The following RBFOX1 variants were observed in gnomAD, a reference collection of about 807,000 sequenced individuals.
The protein encoded by RBFOX1 is RNA binding fox-1 homolog 1, also known as RNA binding protein fox-1 homolog 1.
RBFOX1 carries 8 observed loss-of-function variants against 57.7 expected under a neutral mutation model. The ratio of observed to expected loss-of-function variants is 0.14; its 90% CI spans 0.08 to 0.25. The LOEUF is 0.25. Ranked by LOEUF, RBFOX1 falls within the 10% of genes least tolerant of loss-of-function variation. The pLI is 1.00. For synonymous variants in RBFOX1, 326 were observed against 222.4 expected (o/e 1.47, Z -4.15); for missense variants, 611 against 548.5 (o/e 1.11, Z -1.14).
chr16:7,404,387 C>T (rs891234699), intron 4 of RBFOX1, among the ~76,000 whole-genome samples: 2 of 152,162 alleles, frequency 1.3e-5, no homozygotes, highest in African/African-American at 2.4e-5. Flanking sequence ...CCTTGTAGGT[C>T]ACTGACCTAT....
intron 3 of RBFOX1, among the ~76,000 whole-genome samples, chr16:5,637,882 T>G (rs2048734740): frequency 6.6e-6 from 1 of 152,188 alleles, no homozygotes; most frequent in Non-Finnish European, 1.5e-5. Context: ...AATCTGCTAC[T>G]CCCTGGAGGA....
At chr16:7,498,915 G>C (rs1312653047) in intron 4 of RBFOX1, among the ~76,000 whole-genome samples, 1 of 152,156 alleles carries the variant, frequency 6.6e-6, no homozygotes, top group Non-Finnish European at 1.5e-5. Flanking sequence ...ATAAGCAACA[G>C]ATTAAGAGGA....
chr16:5,395,394 G>A (rs1042696086), intron 1 of RBFOX1, among the ~76,000 whole-genome samples: 2 of 152,346 alleles, frequency 1.3e-5, no homozygotes, highest in Non-Finnish European at 2.9e-5. Context: ...CTCCTAGAGA[G>A]GCCAGTGATG....
chr16:5,337,115 A>G (rs2064917837), intron 1 of RBFOX1, among the ~76,000 whole-genome samples: 1 of 152,140 alleles, frequency 6.6e-6, no homozygotes, highest in Non-Finnish European at 1.5e-5. Context: ...CCGGCTGGGG[A>G]CGGCTGCTTC....
chr16:7,290,381 G>A (rs956503833), intron 4 of RBFOX1, among the ~76,000 whole-genome samples: 2 of 152,190 alleles, frequency 1.3e-5, no homozygotes, highest in African/African-American at 2.4e-5. Flanking sequence ...CTGAGATGCA[G>A]AAGGTAATTT....
At chr16:6,955,096 C>T (rs1468232050) in intron 3 of RBFOX1, among the ~76,000 whole-genome samples, 8 of 150,190 alleles carry the variant, frequency 5.3e-5, no homozygotes, top group Admixed American at 4.0e-4. Flanking sequence ...AAAAAATTAG[C>T]TGGGCATGGT....
At chr16:6,297,017 A>AAGGGG (rs2078194900) in intron 1 of RBFOX1, among the ~76,000 whole-genome samples, 3 of 152,194 alleles carry the variant, frequency 2.0e-5, no homozygotes. Context: ...TATGTTAAAC[A>AAGGGG]AGGGGTGGGT....
intron 3 of RBFOX1, among the ~76,000 whole-genome samples, chr16:6,728,623 C>G (rs1317794614): frequency 6.6e-6 from 1 of 152,176 alleles, no homozygotes; most frequent in Non-Finnish European, 1.5e-5. Context: ...CATATTGGAG[C>G]TGCCCCACGC....
intron 4 of RBFOX1, among the ~76,000 whole-genome samples, chr16:7,208,409 C>T (rs1414970171): frequency 6.6e-6 from 1 of 152,140 alleles, no homozygotes; most frequent in African/African-American, 2.4e-5. Context: ...GAAGCAGGCA[C>T]CAGCATCTGC....
At chr16:6,598,686 G>A (rs1286737850) in intron 2 of RBFOX1, among the ~76,000 whole-genome samples, 4 of 152,128 alleles carry the variant, frequency 2.6e-5, no homozygotes, top group Admixed American at 6.6e-5. Context: ...GGTGGCTCAC[G>A]TCTGTAATCT....
chr16:5,938,578 A>G (rs918999226), intron 4 of RBFOX1, among the ~76,000 whole-genome samples: 2 of 152,192 alleles, frequency 1.3e-5, no homozygotes, highest in African/African-American at 4.8e-5. Context: ...TCTGCTTCCC[A>G]CATCCTTGAA....
intron 3 of RBFOX1, among the ~76,000 whole-genome samples, chr16:5,749,314 A>C (rs1256823247): frequency 6.6e-6 from 1 of 152,012 alleles, no homozygotes; most frequent in Non-Finnish European, 1.5e-5. Flanking sequence ...CCTTCATTTC[A>C]ACTTCGGTGA....
intron 3 of RBFOX1, among the ~76,000 whole-genome samples, chr16:5,826,411 T>C (rs1359342862): frequency 1.3e-5 from 2 of 152,190 alleles, no homozygotes; most frequent in Non-Finnish European, 2.9e-5. Context: ...GAAAGTCTTT[T>C]ATGCCAGGAG....
At chr16:5,939,071 A>T (rs375868953) in intron 4 of RBFOX1, among the ~76,000 whole-genome samples, 1 of 151,946 alleles carries the variant, frequency 6.6e-6, no homozygotes, top group Admixed American at 6.6e-5. Flanking sequence ...GGCAGGGAAC[A>T]TCACACACCA....
At chr16:7,031,858 A>G (rs1167751523) in intron 3 of RBFOX1, among the ~76,000 whole-genome samples, 3 of 152,154 alleles carry the variant, frequency 2.0e-5, no homozygotes, top group Non-Finnish European at 2.9e-5. Context: ...CTGGACACAC[A>G]GGGAGCTCCA....
rs111443402 is a variant in RBFOX1 at position 5,493,394 on chromosome 16, C to T, written c.258+26140C>T. ...ATCTTAATCTTTAAGACAAACCCTC[C>T]GCACCCTCTGTGTGTTTCCTCCTGT... On this transcript the variant is annotated intron_variant, in intron 2 of 2. Coordinates refer to the RBFOX1 transcript ENST00000585867. Among the ~76,000 whole-genome samples, 304 of 152,204 alleles carry T rather than the reference C, an allele frequency of 2.0e-3. 1 individual carries two copies. Among genetic ancestry groups the T allele is most frequent in the African/African-American group, 6.7e-3 (279 of 41,524 alleles).
At chr16:6,234,253 T>TG (rs1389458985) in intron 1 of RBFOX1, among the ~76,000 whole-genome samples, 2 of 152,190 alleles carry the variant, frequency 1.3e-5, no homozygotes, top group Non-Finnish European at 2.9e-5. Context: ...TCCTGCCCAC[T>TG]GTCAATTTTT....
chr16:6,379,132 A>G (rs1178162252), intron 2 of RBFOX1, among the ~76,000 whole-genome samples: 2 of 152,148 alleles, frequency 1.3e-5, no homozygotes, highest in Non-Finnish European at 2.9e-5. Flanking sequence ...TGCCGAAAAT[A>G]AAGAATGGTT....
intron 3 of RBFOX1, among the ~76,000 whole-genome samples, chr16:5,660,979 G>T (rs557840779): frequency 1.3e-5 from 2 of 152,284 alleles, no homozygotes; most frequent in African/African-American, 4.8e-5. Context: ...GGGTTGAGGA[G>T]GTAGCGCCAT....
Sources: allele counts gnomAD v4.1 joint callset (sites outside exome capture counted in the v4.1 genomes callset), GRCh38; gene constraint gnomAD v4.1.1; transcripts MANE v1.5; gene names NCBI Gene and HGNC (gene_info 2026-07-23, HGNC 2026-07-21).